MAGI2: variants seen among roughly 807,000 people sequenced by gnomAD.
The protein encoded by MAGI2 is membrane-associated guanylate kinase, WW and PDZ domain-containing protein 2.
Under a neutral mutation model 133.3 loss-of-function variants are expected in MAGI2, and 35 were observed. The ratio of observed to expected loss-of-function variants is 0.26; its 90% CI spans 0.20 to 0.35. The LOEUF is 0.35. Among genes scored for constraint, MAGI2 ranks in the 10% least tolerant of loss-of-function variants. The pLI is 1.00. For synonymous variants in MAGI2, 729 were observed against 710.6 expected (o/e 1.03, Z -0.41); for missense variants, 1,636 against 1,863.4 (o/e 0.88, Z 2.25).
chr7:78,271,850 T>A (rs1336113537), intron 9 of MAGI2, among the ~76,000 whole-genome samples: 1 of 152,204 alleles, frequency 6.6e-6, no homozygotes. Context: ...TCTTTTCTTA[T>A]TAGTCTTGCT....
At chr7:78,073,751 A>C (rs536701880) in intron 21 of MAGI2, among the ~76,000 whole-genome samples, 14 of 152,162 alleles carry the variant, frequency 9.2e-5, no homozygotes, top group Non-Finnish European at 1.9e-4. Flanking sequence ...CAAGGCAGGG[A>C]GCTAATCTGT....
chr7:79,386,942 G>A (rs937520889), intron 1 of MAGI2, among the ~76,000 whole-genome samples: 1 of 151,984 alleles, frequency 6.6e-6, no homozygotes, highest in African/African-American at 2.4e-5. Flanking sequence ...CACTGAATTT[G>A]TGGGCCCCTC....
chr7:78,452,983 A>G (rs533917783), intron 6 of MAGI2, among the ~76,000 whole-genome samples: 1 of 152,252 alleles, frequency 6.6e-6, no homozygotes, highest in Admixed American at 6.5e-5. Flanking sequence ...AACTAAAGAA[A>G]TAATTTTTGA....
chr7:78,631,456 T>C (rs751529032), intron 2 of MAGI2, among the ~76,000 whole-genome samples: 2 of 152,170 alleles, frequency 1.3e-5, no homozygotes, highest in Non-Finnish European at 2.9e-5. Flanking sequence ...TGATGAGCCC[T>C]GGTGAAGCAC....
chr7:78,401,066 T>G (rs899186991), intron 6 of MAGI2, among the ~76,000 whole-genome samples: 1 of 137,646 alleles, frequency 7.3e-6, no homozygotes, highest in African/African-American at 2.6e-5. Flanking sequence ...TCCATTCCTT[T>G]GAAAAAAAAA....
chr7:79,181,371 A>C (rs1826606572), intron 1 of MAGI2, among the ~76,000 whole-genome samples: 1 of 151,946 alleles, frequency 6.6e-6, no homozygotes, highest in Non-Finnish European at 1.5e-5. Context: ...CCACAGGCTC[A>C]ACACCATGTG....
chr7:79,226,587 A>T (rs1830879203), intron 1 of MAGI2, among the ~76,000 whole-genome samples: 1 of 152,172 alleles, frequency 6.6e-6, no homozygotes, highest in Non-Finnish European at 1.5e-5. Flanking sequence ...CTATCTGCTC[A>T]CTGGGTTTTC....
In MAGI2 at chr7:78,814,500, T is replaced by C. The variant is rs538880339; in HGVS notation, c.419-187261A>G. Among the ~76,000 whole-genome samples, 6 of 152,336 alleles carry C rather than the reference T, an allele frequency of 3.9e-5. No individual in the cohort carries two copies. In the East Asian group the frequency reaches 1.2e-3, roughly 29 times the overall value. ...ATAAAAATACTAATGCCTCAACTTG[T>C]CTACCTCAGAAAGTGACTTAAAGGT... On this transcript the variant is annotated intron_variant, in intron 2 of 21. Coordinates refer to ENST00000354212, the MANE Select transcript of MAGI2 (RefSeq NM_012301.4).
intron 6 of MAGI2, among the ~76,000 whole-genome samples, chr7:78,387,883 G>T (rs185341333): frequency 6.6e-6 from 1 of 151,836 alleles, no homozygotes; most frequent in Non-Finnish European, 1.5e-5. Context: ...CCCAGATCAC[G>T]CCACTGCACT....
At chr7:79,360,678 C>T (rs10276081) in intron 1 of MAGI2, among the ~76,000 whole-genome samples, 3,216 of 151,868 alleles carry the variant, frequency 0.021, 99 homozygotes, top group African/African-American at 0.075. Context: ...ATTGTAACAC[C>T]CAGAGCAGCC....
At chr7:78,058,390 C>T (rs909495309) in intron 21 of MAGI2, among the ~76,000 whole-genome samples, 1 of 152,070 alleles carries the variant, frequency 6.6e-6, no homozygotes. Flanking sequence ...TCCATCTGCT[C>T]TTTCGGTTTT....
chr7:78,741,425 AC>A (rs1563439148), intron 2 of MAGI2, among the ~76,000 whole-genome samples: 1,357 of 108,824 alleles, frequency 0.012, 9 homozygotes, highest in Non-Finnish European at 0.017. Flanking sequence ...ACACACACAC[AC>A]ACGGGAGGGG....
At chr7:79,214,183 A>G (rs1829754172) in intron 1 of MAGI2, among the ~76,000 whole-genome samples, 1 of 151,510 alleles carries the variant, frequency 6.6e-6, no homozygotes, top group East Asian at 1.9e-4. Context: ...TCATGGTAGT[A>G]GATTACCCCA....
intron 1 of MAGI2, chr7:79,411,294 T>C (rs1310454908): frequency 6.6e-6 from 1 of 152,186 alleles, no homozygotes; most frequent in Non-Finnish European, 1.5e-5. Flanking sequence ...TTAAGGTTGC[T>C]AATCAGCTGA....
chr7:79,158,329 G>A (rs752401499), intron 1 of MAGI2, among the ~76,000 whole-genome samples: 1 of 151,460 alleles, frequency 6.6e-6, no homozygotes, highest in South Asian at 2.1e-4. Context: ...TAATTAATTG[G>A]CTTAAAAAAT....
chr7:79,297,412 TCA>T (rs1837021924), intron 1 of MAGI2, among the ~76,000 whole-genome samples: 2 of 152,182 alleles, frequency 1.3e-5, no homozygotes, highest in South Asian at 2.1e-4. Context: ...CTGGAAGAAT[TCA>T]CACAGTCATT....
intron 2 of MAGI2, among the ~76,000 whole-genome samples, chr7:78,675,147 A>G (rs1814867226): frequency 6.6e-6 from 1 of 152,162 alleles, no homozygotes; most frequent in East Asian, 1.9e-4. Context: ...CCAAACACAT[A>G]CTCTTTAGTT....
chr7:79,297,456 G>A (rs948139346), intron 1 of MAGI2, among the ~76,000 whole-genome samples: 7 of 152,090 alleles, frequency 4.6e-5, no homozygotes, highest in African/African-American at 1.4e-4. Flanking sequence ...AACTATCATC[G>A]AGAAGGCAGT....
intron 1 of MAGI2, among the ~76,000 whole-genome samples, chr7:79,263,221 G>A (rs1002869000): frequency 2.0e-5 from 3 of 152,256 alleles, no homozygotes; most frequent in African/African-American, 7.2e-5. Flanking sequence ...AAGGTTTACA[G>A]AGGACCTTCT....
Sources: allele counts gnomAD v4.1 joint callset (sites outside exome capture counted in the v4.1 genomes callset), GRCh38; gene constraint gnomAD v4.1.1; transcripts MANE v1.5; gene names NCBI Gene and HGNC (gene_info 2026-07-23, HGNC 2026-07-21).